PTPRM: variants seen among roughly 807,000 people sequenced by gnomAD.
The protein encoded by PTPRM is protein tyrosine phosphatase receptor type M.
PTPRM carries 47 observed loss-of-function variants against 186.7 expected under a neutral mutation model. The observed-to-expected ratio is 0.25, with a 90% CI of 0.20 to 0.32. The LOEUF is 0.32. Among genes scored for constraint, PTPRM ranks in the 10% least tolerant of loss-of-function variants. PTPRM has a pLI of 1.00. For synonymous variants in PTPRM, 668 were observed against 674.9 expected, an observed-to-expected ratio of 0.99 and a Z score of 0.16; for missense variants, 1,494 against 1,865.0, an observed-to-expected ratio of 0.80 and a Z score of 3.66.
intron 1 of PTPRM, among the ~76,000 whole-genome samples, chr18:7,719,060 GA>G (rs995228229): frequency 6.6e-6 from 1 of 152,082 alleles, no homozygotes; most frequent in African/African-American, 2.4e-5. Context: ...TTACCTAATG[GA>G]AAAGAAGTCA....
At chr18:8,379,085 T>A in intron 27 of PTPRM, 82 bp from the exon 28 acceptor site, 1 of 1,208,090 alleles carries the variant, frequency 8.3e-7, no homozygotes, top group Non-Finnish European at 1.1e-6. Context: ...CCACAGGAAG[T>A]TTGCATCTTT....
At chr18:8,272,970 T>C (rs2094790701) in intron 19 of PTPRM, among the ~76,000 whole-genome samples, 1 of 152,232 alleles carries the variant, frequency 6.6e-6, no homozygotes, top group Non-Finnish European at 1.5e-5. Flanking sequence ...GAATTATCTT[T>C]AGTAATGTTT....
intron 2 of PTPRM, among the ~76,000 whole-genome samples, chr18:7,802,861 C>G (rs994232224): frequency 1.3e-5 from 2 of 152,046 alleles, no homozygotes; most frequent in African/African-American, 4.8e-5. Context: ...AGAATATACT[C>G]AAATGTAAAA....
At chr18:7,982,284 CT>C (rs60537289) in intron 7 of PTPRM, among the ~76,000 whole-genome samples, 12,162 of 136,104 alleles carry the variant, frequency 0.089, 1,129 homozygotes, top group African/African-American at 0.27. Flanking sequence ...TAAGTTTTTA[CT>C]TTTTTTTTTT....
intron 22 of PTPRM, among the ~76,000 whole-genome samples, chr18:8,339,275 G>A (rs192726628): frequency 1.6e-3 from 242 of 151,706 alleles, no homozygotes; most frequent in African/African-American, 5.7e-3. Context: ...AGAGGTCTCT[G>A]TGTGCCTGCC....
intron 7 of PTPRM, among the ~76,000 whole-genome samples, chr18:8,028,738 C>T (rs912858302): frequency 3.3e-5 from 5 of 152,134 alleles, no homozygotes; most frequent in South Asian, 2.1e-4. Context: ...AAAAGAAGAG[C>T]GTATTTCTGC....
At chr18:7,808,286 A>T (rs2044335190) in intron 2 of PTPRM, among the ~76,000 whole-genome samples, 1 of 152,096 alleles carries the variant, frequency 6.6e-6, no homozygotes, top group African/African-American at 2.4e-5. Context: ...ACGGAGGTGG[A>T]GGTGGCTGAG....
At chr18:8,305,855 G>A (rs2147961123) in intron 20 of PTPRM, among the ~76,000 whole-genome samples, 1 of 151,980 alleles carries the variant, frequency 6.6e-6, no homozygotes, top group East Asian at 1.9e-4. Flanking sequence ...GATTTTATTG[G>A]TAAACTTCAA....
chr18:7,941,695 G>A (rs746053031), intron 5 of PTPRM, among the ~76,000 whole-genome samples: 8 of 152,222 alleles, frequency 5.3e-5, no homozygotes, highest in South Asian at 2.1e-4. Flanking sequence ...AGAAACAGAC[G>A]TCAGCGTTGG....
chr18:7,663,952 G>A (rs1350075308), intron 1 of PTPRM, among the ~76,000 whole-genome samples: 1 of 152,320 alleles, frequency 6.6e-6, no homozygotes, highest in East Asian at 1.9e-4. Flanking sequence ...TGTCAAGCCA[G>A]ACTTTTCCCT....
At chr18:8,054,338 T>C (rs1347564442) in intron 7 of PTPRM, among the ~76,000 whole-genome samples, 1 of 142,044 alleles carries the variant, frequency 7.0e-6, no homozygotes, top group East Asian at 2.0e-4. Context: ...CTACTAGTGG[T>C]AGACTTCTGT....
chr18:8,334,867 C>G (rs933038230), intron 22 of PTPRM, among the ~76,000 whole-genome samples: 1 of 152,094 alleles, frequency 6.6e-6, no homozygotes, highest in African/African-American at 2.4e-5. Flanking sequence ...CCATTTCTCT[C>G]AGCCCACCGT....
intron 1 of PTPRM, among the ~76,000 whole-genome samples, chr18:7,657,772 G>A (rs1199156251): frequency 2.0e-5 from 3 of 152,118 alleles, no homozygotes; most frequent in Non-Finnish European, 2.9e-5. Flanking sequence ...TTTTTGTTTC[G>A]CTCATGCTGG....
chr18:8,311,090 C>G (rs1480523789), intron 20 of PTPRM, among the ~76,000 whole-genome samples: 1 of 152,168 alleles, frequency 6.6e-6, no homozygotes, highest in Non-Finnish European at 1.5e-5. Flanking sequence ...AGGTGGATCA[C>G]CTGAGGTCAG....
intron 17 of PTPRM, among the ~76,000 whole-genome samples, chr18:8,249,116 T>C (rs1291923356): frequency 6.6e-6 from 1 of 152,212 alleles, no homozygotes; most frequent in Non-Finnish European, 1.5e-5. Context: ...AACAATTCAT[T>C]GTAGCAAGAG....
chr18:8,332,938 T>C (rs1179474088), intron 22 of PTPRM, among the ~76,000 whole-genome samples: 1 of 152,254 alleles, frequency 6.6e-6, no homozygotes, highest in Non-Finnish European at 1.5e-5. Context: ...TGAACACTTC[T>C]AACCCTATTA....
chr18:7,899,491 G>C (rs2049543916), intron 3 of PTPRM, among the ~76,000 whole-genome samples: 2 of 152,264 alleles, frequency 1.3e-5, no homozygotes, highest in African/African-American at 2.4e-5. Flanking sequence ...GTTCTGTGTT[G>C]TGACAAAATT....
chr18:8,150,459 C>T (rs1053080198), intron 14 of PTPRM, among the ~76,000 whole-genome samples: 5 of 152,074 alleles, frequency 3.3e-5, no homozygotes, highest in Admixed American at 3.3e-4. Context: ...CTTGTGTATG[C>T]TTCACAAAGT....
chr18:7,625,907 T>G (rs1020733082), intron 1 of PTPRM, among the ~76,000 whole-genome samples: 1 of 152,186 alleles, frequency 6.6e-6, no homozygotes, highest in Non-Finnish European at 1.5e-5. Context: ...TGAGACCAGT[T>G]ACTAGTGGTC....
Sources: allele counts gnomAD v4.1 joint callset (sites outside exome capture counted in the v4.1 genomes callset), GRCh38; gene constraint gnomAD v4.1.1; transcripts MANE v1.5; gene names NCBI Gene and HGNC (gene_info 2026-07-23, HGNC 2026-07-21).